AKAP12: variants seen among roughly 807,000 people sequenced by gnomAD.
AKAP12 encodes A-kinase anchor protein 12.
AKAP12 carries 32 observed loss-of-function variants against 79.9 expected under a neutral mutation model. The ratio of observed to expected loss-of-function variants is 0.40; its 90% CI spans 0.30 to 0.54. AKAP12 has a LOEUF of 0.54. Among genes scored for constraint, AKAP12 ranks in the 20% least tolerant of loss-of-function variants. The pLI is 0.48. For synonymous variants in AKAP12, 808 were observed against 857.0 expected (o/e 0.94, Z 1.00); for missense variants, 2,074 against 2,177.0 (o/e 0.95, Z 0.94).
intron 2 of AKAP12, among the ~76,000 whole-genome samples, chr6:151,296,187 A>G (rs1426283917): frequency 2.0e-5 from 3 of 152,178 alleles, no homozygotes; most frequent in Admixed American, 2.0e-4. Flanking sequence ...TCTGGAGGCC[A>G]ATTTCTCAGA....
intron 2 of AKAP12, among the ~76,000 whole-genome samples, chr6:151,280,329 T>C (rs1224976995): frequency 6.6e-6 from 1 of 151,968 alleles, no homozygotes; most frequent in Non-Finnish European, 1.5e-5. Context: ...AATATACATA[T>C]TCATTTATGC....
rs1186041486 is a variant in AKAP12, at chr6:151,349,236, A to G, written c.845A>G (p.Glu282Gly). 1 of 1,613,866 alleles carries G rather than the reference A, an allele frequency of 6.2e-7. No homozygotes were observed. Residue 282 changes from glutamate to glycine, a missense_variant, in exon 4 of 5, where the codon GAA becomes GGA. Around this residue, in one of 3 missense-constraint regions of AKAP12, gnomAD observed 1,428 missense variants for 1,451.0 expected, o/e 0.98. Coordinates refer to ENST00000402676, the MANE Select transcript of AKAP12 (RefSeq NM_005100.4). ...GAAAAAGAACCTAGCAAGTCTGCAG[A>G]ATCTCCGACTAGTCCCGTGACCAGT... ...KQEKEPSKSA[E>G]SPTSPVTSET...
chr6:151,283,090 A>T (rs1412970038), intron 2 of AKAP12, among the ~76,000 whole-genome samples: 2 of 152,160 alleles, frequency 1.3e-5, no homozygotes, highest in Admixed American at 6.6e-5. Flanking sequence ...AGGCCCTTGT[A>T]TAAGGAGGCT....
In AKAP12 at chr6:151,324,280, C is replaced by T. The variant is rs552787835; in HGVS notation, c.319+18377C>T. On this transcript the variant is annotated intron_variant, in intron 3 of 4. Transcript: ENST00000402676. ...CCATCATTCCCTGTTCCCGCCAGGC[C>T]GGGTATTTGCCAGGATGTGAAACGG... The T allele has an allele frequency of 3.0e-6, 3 of 985,398 alleles. No homozygotes were observed. The African/African-American group carries it at 5.2e-5, about 17-fold the overall frequency. The allele number at this position is 985,398 out of a possible 1,614,324, so 61.0% of individuals were successfully genotyped here. A position where few individuals can be genotyped will look rare whatever the true frequency, so the allele number is the denominator to read the frequency against.
At chr6:151,243,028 G>A (rs146932097) in intron 2 of AKAP12, among the ~76,000 whole-genome samples, 1 of 152,282 alleles carries the variant, frequency 6.6e-6, no homozygotes, top group East Asian at 1.9e-4. Context: ...CAGTCTGTTC[G>A]GTTATTAATA....
chr6:151,294,617 T>C (rs1776686894), intron 2 of AKAP12, among the ~76,000 whole-genome samples: 1 of 152,186 alleles, frequency 6.6e-6, no homozygotes, highest in South Asian at 2.1e-4. Context: ...TTGCTGTCAT[T>C]GGTAGGTGGT....
chr6:151,313,987 T>G (rs1242949212), intron 3 of AKAP12, among the ~76,000 whole-genome samples: 1 of 151,894 alleles, frequency 6.6e-6, no homozygotes, highest in Non-Finnish European at 1.5e-5. Flanking sequence ...ACTTGGTAAT[T>G]CCGTTATGCC....
At chr6:151,327,430 TCC>T (rs1777557482) in intron 3 of AKAP12, among the ~76,000 whole-genome samples, 2 of 152,168 alleles carry the variant, frequency 1.3e-5, no homozygotes, top group African/African-American at 2.4e-5. Context: ...CTCCATTTTT[TCC>T]CCCAGATCAT....
intron 2 of AKAP12, among the ~76,000 whole-genome samples, chr6:151,268,697 C>T (rs954773026): frequency 6.6e-6 from 1 of 152,156 alleles, no homozygotes; most frequent in Admixed American, 6.5e-5. Flanking sequence ...CACTGGAGTG[C>T]AGCAGCCTGA....
intron 3 of AKAP12, among the ~76,000 whole-genome samples, chr6:151,313,077 G>A (rs934370576): frequency 5.3e-5 from 8 of 152,274 alleles, no homozygotes; most frequent in East Asian, 1.9e-4. Flanking sequence ...TAAAGACTGC[G>A]GCTTTGTACA....
At position 151,263,947 on chromosome 6, in the gene AKAP12, A is replaced by G. The variant is rs901258322; in HGVS notation, c.162+23223A>G. ...GTGCTGATGAATCCCAAACCTCTGC[A>G]TCTCTCCACCTAGGATGCCTCTACT... On this transcript the variant is annotated intron_variant, in intron 2 of 4. Transcript: ENST00000402676. Among the ~76,000 whole-genome samples, 4 of 152,264 alleles carry G rather than the reference A, an allele frequency of 2.6e-5. No homozygotes were observed. In the East Asian group the frequency reaches 7.7e-4, roughly 29 times the overall value.
chr6:151,316,525 G>C (rs189368952), intron 3 of AKAP12, among the ~76,000 whole-genome samples: 33 of 152,258 alleles, frequency 2.2e-4, no homozygotes, highest in African/African-American at 7.9e-4. Flanking sequence ...TTCCTCCTGA[G>C]GCCTCTCTCT....
chr6:151,354,515 A>G (rs1183931345), intron 4 of AKAP12, among the ~76,000 whole-genome samples: 2 of 152,056 alleles, frequency 1.3e-5, no homozygotes, highest in African/African-American at 4.8e-5. Flanking sequence ...CTGGGACTAC[A>G]GGTGCCCGCC....
In AKAP12 at chr6:151,352,347, C is replaced by G; in HGVS notation, c.3956C>G (p.Ala1319Gly). 1 of 1,614,176 alleles carries G rather than the reference C, an allele frequency of 6.2e-7. No homozygotes were observed. The highest frequency in any genetic ancestry group is 8.5e-7 in the Non-Finnish European group (1 of 1,180,034). The change falls in exon 4 of 5, where the codon GCT becomes GGT. Residue 1319 changes from alanine (A) to glycine (G), a missense_variant. Transcript: ENST00000402676. ...TEEAECKKDD[A>G]LELQSHAKSP... is the part of the protein sequence containing the mutation. ...GAAGCTGAATGTAAAAAGGATGATG[C>G]TCTTGAACTGCAGAGTCACGCTAAG...
At chr6:151,252,731 G>GGA (rs2114686729) in intron 2 of AKAP12, among the ~76,000 whole-genome samples, 1 of 101,486 alleles carries the variant, frequency 9.9e-6, no homozygotes, top group East Asian at 2.8e-4. Context: ...CCTGTCTCTG[G>GGA]GAAAAAAAAA....
intron 3 of AKAP12, among the ~76,000 whole-genome samples, chr6:151,334,726 A>G (rs1386797205): frequency 1.3e-5 from 2 of 148,408 alleles, no homozygotes; most frequent in South Asian, 2.2e-4. Context: ...GGTTCACGCC[A>G]TTCTCCTGCC....
chr6:151,304,971 A>G (rs1042211506), intron 2 of AKAP12, among the ~76,000 whole-genome samples: 9 of 152,220 alleles, frequency 5.9e-5, no homozygotes, highest in South Asian at 2.1e-4. Flanking sequence ...GGAAAAAACA[A>G]TGACCCAAAT....
At chr6:151,265,765 C>CAG (rs1268564307) in intron 2 of AKAP12, among the ~76,000 whole-genome samples, 1 of 152,122 alleles carries the variant, frequency 6.6e-6, no homozygotes. Flanking sequence ...AGTCTGTCAC[C>CAG]AGAGGAACCA....
chr6:151,242,327 T>C (rs1156407873), intron 2 of AKAP12, among the ~76,000 whole-genome samples: 1 of 139,942 alleles, frequency 7.1e-6, no homozygotes, highest in Non-Finnish European at 1.6e-5. Flanking sequence ...TATTTAAAAA[T>C]ATTCCTTCCA....
Sources: allele counts gnomAD v4.1 joint callset (sites outside exome capture counted in the v4.1 genomes callset), GRCh38; gene constraint gnomAD v4.1.1; regional missense constraint gnomAD v4.1.1; transcripts MANE v1.5; gene names NCBI Gene and HGNC (gene_info 2026-07-23, HGNC 2026-07-21).